ATP13A5: variants seen among roughly 807,000 people sequenced by gnomAD.
ATP13A5 encodes the protein probable cation-transporting ATPase 13A5.
A neutral mutation model predicts 150.2 loss-of-function variants in ATP13A5; 149 were observed. The observed-to-expected ratio is 0.99, with a 90% CI of 0.87 to 1.14. The LOEUF is 1.14. Ranked by LOEUF, ATP13A5 falls within the 50% of genes most tolerant of loss-of-function variation. ATP13A5 has a pLI of 0.00. For missense variants in ATP13A5, 1,383 were observed against 1,449.3 expected, an observed-to-expected ratio of 0.95 and a Z score of 0.74; for synonymous variants, 497 against 522.2, an observed-to-expected ratio of 0.95 and a Z score of 0.66.
chr3:193,370,224 A>G lies in ATP13A5; in HGVS notation c.64-5944T>C, dbSNP rs536164674. ...GGAAGCAGTCTGGATTAGGAATAGC[A>G]GTGAAATATGCATGCGCTTTTTCAC... On this transcript the variant is annotated intron_variant, in intron 1 of 29. Transcript: ENST00000342358. Among the ~76,000 whole-genome samples, 13 of 152,334 alleles carry G rather than the reference A, an allele frequency of 8.5e-5. No individual in the cohort carries two copies. In the South Asian group the frequency reaches 1.2e-3, roughly 15 times the overall value.
intron 26 of ATP13A5, among the ~76,000 whole-genome samples, chr3:193,286,803 G>A (rs930927700): frequency 1.3e-5 from 2 of 152,032 alleles, no homozygotes; most frequent in Non-Finnish European, 2.9e-5. Context: ...ACTAGAAATG[G>A]GTAAGCTTAG....
Position 193,322,504 on chromosome 3 carries a change from G to A in ATP13A5, c.1745C>T (p.Pro582Leu). The change falls in exon 15 of 30, where the codon CCA becomes CTA. Residue 582 changes from proline (P) to leucine (L), a missense_variant. Pro to Leu is a moderately conservative substitution (Grantham distance 98). Around this residue, in one of 3 missense-constraint regions of ATP13A5, gnomAD observed 787 missense variants for 771.9 expected, o/e 1.02. Transcript: ENST00000342358. ...TSVSNIIKPG[P>L]KASKSPVEAI... ...AGGAAATCATACCTTACTGGCTTTT[G>A]GTCCTGGTTTTATGATGTTTGAAAC... 6.2e-7 allele frequency: 1 copy of A among 1,612,934 alleles called. No homozygotes were observed. Among genetic ancestry groups the A allele is most frequent in the South Asian group, 1.1e-5 (1 of 90,972 alleles).
intron 11 of ATP13A5, among the ~76,000 whole-genome samples, chr3:193,331,813 C>A (rs1244056300): frequency 6.6e-6 from 1 of 152,160 alleles, no homozygotes; most frequent in African/African-American, 2.4e-5. Flanking sequence ...TATTTAGTTG[C>A]TCTCTATAAC....
Position 193,274,957 on chromosome 3 carries a change from AGGG to A in ATP13A5, c.*82_*84del. ...TGCTTGAATGGAGAGAGGAAAGGTA[AGGG>A]GAGAGTATCATCACTTCTCCACAAT... On this transcript the variant is annotated 3_prime_UTR_variant, in exon 30 of 30. Transcript: ENST00000342358. 2.0e-6 allele frequency: 3 copies of A among 1,519,920 alleles called. No individual in the cohort carries two copies. The highest frequency in any genetic ancestry group is 2.7e-6 in the Non-Finnish European group (3 of 1,117,728). The allele number at this position is 1,519,920 out of a possible 1,614,324, so 94.2% of individuals were successfully genotyped here. A position where few individuals can be genotyped will look rare whatever the true frequency, so the allele number is the denominator to read the frequency against.
intron 25 of ATP13A5, among the ~76,000 whole-genome samples, chr3:193,290,524 TATTC>T (rs1717909633): frequency 6.6e-6 from 1 of 152,080 alleles, no homozygotes; most frequent in Admixed American, 6.6e-5. Flanking sequence ...CTCACTCTAT[TATTC>T]ATTCAGCCAA....
At chr3:193,339,906 T>C (rs1321610703) in intron 9 of ATP13A5, among the ~76,000 whole-genome samples, 1 of 152,200 alleles carries the variant, frequency 6.6e-6, no homozygotes, top group Non-Finnish European at 1.5e-5. Context: ...CATGTATTGA[T>C]CAATCAGTAA....
At chr3:193,367,220 A>G (rs1248969644) in intron 1 of ATP13A5, among the ~76,000 whole-genome samples, 1 of 152,090 alleles carries the variant, frequency 6.6e-6, no homozygotes, top group African/African-American at 2.4e-5. Flanking sequence ...GACAGAAAGT[A>G]GAAATACAAC....
At chr3:193,313,120 G>GT (rs1189794932) in intron 19 of ATP13A5, 1 of 152,266 alleles carries the variant, frequency 6.6e-6, no homozygotes, top group Admixed American at 6.5e-5. Context: ...GGAGAAGCAA[G>GT]TAGGTTCACA....
rs112938085 is a variant in ATP13A5 at position 193,338,340 on chromosome 3, G to A, written c.944-3241C>T. Among the ~76,000 whole-genome samples, 678 of 152,232 alleles carry A rather than the reference G, an allele frequency of 4.5e-3. 4 individuals carry two copies. The highest frequency in any genetic ancestry group is 7.1e-3 in the Admixed American group (109 of 15,280). The stretch of plus-strand genomic sequence containing the variant: ...TTCAAAGGAAATGCTTCCAGTTTTT[G>A]CCCATTCAGTATGATATTGGCTGTG... On this transcript the variant is annotated intron_variant, in intron 9 of 29. Coordinates refer to ENST00000342358, the MANE Select transcript of ATP13A5 (RefSeq NM_198505.4).
Position 193,307,326 on chromosome 3 carries a change from C to G in ATP13A5, c.2568+1G>C, listed in dbSNP as rs763933171. 1 of 1,613,760 alleles carries G rather than the reference C, an allele frequency of 6.2e-7. No individual in the cohort carries two copies. Among genetic ancestry groups the G allele is most frequent in the African/African-American group, 1.3e-5 (1 of 74,900 alleles). ...TCTGAGCAAAAGCCATTTCTACTCA[C>G]CCCACAGTCGTTAGCTCCATCTCCA... On this transcript the variant is annotated splice_donor_variant, in intron 22 of 29. Transcript: ENST00000342358. LOFTEE classifies it high-confidence loss of function.
intron 1 of ATP13A5, among the ~76,000 whole-genome samples, chr3:193,366,976 A>G (rs927312340): frequency 1.3e-5 from 2 of 152,222 alleles, no homozygotes; most frequent in Admixed American, 6.5e-5. Flanking sequence ...ATTACAATAA[A>G]TATTAGGAAA....
intron 12 of ATP13A5, 78 bp from the exon 13 acceptor site, chr3:193,327,135 T>A: frequency 8.1e-7 from 1 of 1,238,428 alleles, no homozygotes; most frequent in Non-Finnish European, 1.1e-6. Context: ...AAACCCAAGT[T>A]TCTAAGATAT....
intron 9 of ATP13A5, among the ~76,000 whole-genome samples, chr3:193,342,690 C>T (rs1360758813): frequency 2.0e-5 from 3 of 152,142 alleles, no homozygotes; most frequent in Non-Finnish European, 2.9e-5. Flanking sequence ...GTTCTATACA[C>T]CCGCTACAGT....
chr3:193,337,370 G>C (rs1711920794), intron 9 of ATP13A5, among the ~76,000 whole-genome samples: 1 of 152,056 alleles, frequency 6.6e-6, no homozygotes, highest in African/African-American at 2.4e-5. Flanking sequence ...TATGGTTTTA[G>C]GTCTAACATT....
Position 193,354,318 on chromosome 3 carries a change from T to C in ATP13A5, c.537-122A>G, listed in dbSNP as rs1560147446. Reference sequence around the variant, plus strand: ...AGATTTTGTGACTTTGATTAAAAAATAATGTGCAAGTTCTTTTGAAACGTA... The same window carrying C: ...AGATTTTGTGACTTTGATTAAAAAACAATGTGCAAGTTCTTTTGAAACGTA... On this transcript the variant is annotated intron_variant, in intron 5 of 29. Coordinates refer to ENST00000342358, the MANE Select transcript of ATP13A5 (RefSeq NM_198505.4). The C allele has an allele frequency of 7.1e-6, 6 of 847,260 alleles. No individual in the cohort carries two copies. In the East Asian group the frequency reaches 1.5e-4, roughly 22 times the overall value. The allele number at this position is 847,260 out of a possible 1,614,324, so 52.5% of individuals were successfully genotyped here.
At position 193,324,998 on chromosome 3, in the gene ATP13A5, T is replaced by A; in HGVS notation, c.1540A>T (p.Ser514Cys). 6.2e-7 allele frequency: 1 copy of A among 1,610,652 alleles called. No homozygotes were observed. Among genetic ancestry groups the A allele is most frequent in the Non-Finnish European group, 8.5e-7 (1 of 1,178,836 alleles). ...GGCACAGCCTGGCCTGAGGCAAAGCTGTGGGCTTCCTGGAAGCTGGTAGAG... is the reference window on the plus strand; with the variant it reads ...GGCACAGCCTGGCCTGAGGCAAAGCAGTGGGCTTCCTGGAAGCTGGTAGAG... ...TADNCFQEAH[S>C]FASGQAVPWS... The change falls in exon 14 of 30, where the codon AGC becomes TGC. Residue 514 changes from serine to cysteine, a missense_variant. This residue lies in a region of ATP13A5 where 787 missense variants were observed against 771.9 expected (regional missense o/e 1.02). Coordinates refer to ENST00000342358, the MANE Select transcript of ATP13A5 (RefSeq NM_198505.4).
intron 1 of ATP13A5, 66 bp from the exon 2 acceptor site, chr3:193,364,346 C>A: frequency 6.4e-7 from 1 of 1,550,968 alleles, no homozygotes; most frequent in South Asian, 1.2e-5. Context: ...TATTTTCTTT[C>A]AATAAACCAA....
intron 26 of ATP13A5, among the ~76,000 whole-genome samples, chr3:193,287,634 T>A (rs1206878220): frequency 6.6e-6 from 1 of 152,150 alleles, no homozygotes. Context: ...TTATTGACAG[T>A]GCCCCTGGTC....
At position 193,287,691 on chromosome 3, in the gene ATP13A5, C is replaced by T. The variant is rs534037264; in HGVS notation, c.3023+2194G>A. 7.9e-5 allele frequency among the ~76,000 whole-genome samples: 12 copies of T among 152,230 alleles called. No homozygotes were observed. In the South Asian group the frequency reaches 8.3e-4, roughly 11 times the overall value. The stretch of plus-strand genomic sequence containing the variant: ...AGATGTATAAGGAAATTAATGTTTT[C>T]GTGCCTGCTAATACACATCTATTCT... On this transcript the variant is annotated intron_variant, in intron 26 of 29. Coordinates refer to ENST00000342358, the MANE Select transcript of ATP13A5 (RefSeq NM_198505.4).
Sources: allele counts gnomAD v4.1 joint callset (sites outside exome capture counted in the v4.1 genomes callset), GRCh38; gene constraint gnomAD v4.1.1; regional missense constraint gnomAD v4.1.1; transcripts MANE v1.5; gene names NCBI Gene and HGNC (gene_info 2026-07-23, HGNC 2026-07-21).